FDXR: variants seen among roughly 807,000 people sequenced by gnomAD.
FDXR encodes ferredoxin reductase, also known as NADPH:adrenodoxin oxidoreductase, mitochondrial.
In FDXR, 38 loss-of-function variants were observed where a neutral mutation model predicts 58.3. That is an observed-to-expected ratio of 0.65 (90% CI 0.50 to 0.85). The LOEUF (loss-of-function observed/expected upper bound fraction) is 0.85, where lower values mean the gene tolerates loss of function less well. Among genes scored for constraint, FDXR ranks in the 40% least tolerant of loss-of-function variants. FDXR has a pLI of 0.00. For missense variants in FDXR, 624 were observed against 671.0 expected (o/e 0.93, Z 0.77); for synonymous variants, 275 against 273.8 (o/e 1.00, Z -0.04).
intron 2 of FDXR, among the ~76,000 whole-genome samples, chr17:74,870,797 CTTTTT>C (rs200476203): frequency 5.7e-5 from 5 of 88,462 alleles, no homozygotes; most frequent in Admixed American, 1.5e-4. Context: ...CACTGTCTCT[CTTTTT>C]TTTTTTTTTT....
At chr17:74,869,998 G>A (rs1166345151) in intron 2 of FDXR, 3 of 451,932 alleles carry the variant, frequency 6.6e-6, no homozygotes, top group Admixed American at 4.7e-5. Flanking sequence ...TCATGAGGAT[G>A]CTACGAGATG....
At position 74,871,912 on chromosome 17, in the gene FDXR, C is replaced by T. The variant is rs993412407; in HGVS notation, c.177+124G>A. 2.3e-5 allele frequency: 15 copies of T among 662,360 alleles called. No homozygotes were observed. In the African/African-American group the frequency reaches 2.6e-4, roughly 11 times the overall value. The allele number at this position is 662,360 out of a possible 1,614,324, so 41.0% of individuals were successfully genotyped here. A position where few individuals can be genotyped will look rare whatever the true frequency, so the allele number is the denominator to read the frequency against. On this transcript the variant is annotated intron_variant, in intron 2 of 11. Coordinates refer to ENST00000293195, the MANE Select transcript of FDXR (RefSeq NM_024417.5). The stretch of plus-strand genomic sequence containing the variant: ...AGGAAGCAAGTGGGAAGTGTCCAGG[C>T]CAGATGGCTGGGAGCCCCTTCCCCA...
chr17:74,865,368 G>A (rs1041338421), intron 6 of FDXR, among the ~76,000 whole-genome samples: 1 of 152,146 alleles, frequency 6.6e-6, no homozygotes, highest in Admixed American at 6.5e-5. Context: ...CGATGGGGGA[G>A]TGGACCAATT....
Position 74,872,911 on chromosome 17 carries a change from A to G in FDXR, c.34T>C (p.Ser12Pro). Residue 12 changes from serine to proline, a missense_variant, in exon 1 of 12, where the codon TCG (serine) becomes CCG (proline). Physicochemically the swap from Ser to Pro is moderately conservative, Grantham distance 74 (BLOSUM62 -1). Coordinates refer to ENST00000293195, the MANE Select transcript of FDXR (RefSeq NM_024417.5). ...ASRCWRWWGW[S>P]AWPRTRLPPA... ...GGCAGCCGGGTCCGAGGCCACGCCG[A>G]CCAGCCCCACCAGCGCCAGCAGCGC... 1 of 1,554,590 alleles carries G rather than the reference A, an allele frequency of 6.4e-7. No homozygotes were observed. Among genetic ancestry groups the G allele is most frequent in the Non-Finnish European group, 8.7e-7 (1 of 1,149,808 alleles).
chr17:74,864,497 A>T lies in FDXR; in HGVS notation c.785T>A (p.Leu262His). ...PILDPVDFLGLQDKIKEVPRP... is the reference protein window; with the variant it reads ...PILDPVDFLGHQDKIKEVPRP... Reference sequence around the variant, plus strand: ...CCCCTCACCCTTGATCTTGTCCTGGAGACCCAAGAAATCCACAGGATCCAA... The same window carrying T: ...CCCCTCACCCTTGATCTTGTCCTGGTGACCCAAGAAATCCACAGGATCCAA... The change falls in exon 8 of 12, where the codon CTC becomes CAC. Residue 262 changes from leucine to histidine, a missense_variant. Physicochemically the swap from Leu to His is moderately conservative, Grantham distance 99. Coordinates refer to ENST00000293195, the MANE Select transcript of FDXR (RefSeq NM_024417.5). The T allele has an allele frequency of 6.2e-7, 1 of 1,614,006 alleles. No individual in the cohort carries two copies. The highest frequency in any genetic ancestry group is 8.5e-7 in the Non-Finnish European group (1 of 1,179,930).
intron 2 of FDXR, 115 bp from the exon 3 acceptor site, chr17:74,866,991 CA>C: frequency 2.0e-6 from 3 of 1,515,398 alleles, no homozygotes; most frequent in Non-Finnish European, 2.7e-6. Context: ...GCTGAGAACA[CA>C]AGGCTTCCAC....
chr17:74,864,652 A>C, intron 7 of FDXR, 88 bp from the exon 8 acceptor site: 2 of 1,426,892 alleles, frequency 1.4e-6, no homozygotes, highest in Non-Finnish European at 9.7e-7. Context: ...CCCAGGCAGG[A>C]GAGACCACCA....
intron 8 of FDXR, 23 bp downstream of exon 8, chr17:74,864,457 G>GGGGCC: frequency 1.2e-6 from 2 of 1,612,518 alleles, no homozygotes; most frequent in South Asian, 1.1e-5. Flanking sequence ...TAGTAGTTGG[G>GGGGCC]GGGCCAGGCC....
rs780022072 is a variant in FDXR, at chr17:74,862,655, G to A, written c.*162C>T. 3 of 1,020,566 alleles carry A rather than the reference G, an allele frequency of 2.9e-6. No homozygotes were observed. Among genetic ancestry groups the A allele is most frequent in the South Asian group, 1.8e-5 (1 of 56,602 alleles). The allele number at this position is 1,020,566 out of a possible 1,614,324, so 63.2% of individuals were successfully genotyped here. A position where few individuals can be genotyped will look rare whatever the true frequency, so the allele number is the denominator to read the frequency against. ...AAGCTAAAACCTTGCGCGCAAGGGC[G>A]ACCTTCCCCAGGAGGGAGGAGAGAC... On this transcript the variant is annotated 3_prime_UTR_variant, in exon 12 of 12. Coordinates refer to ENST00000293195, the MANE Select transcript of FDXR (RefSeq NM_024417.5).
At chr17:74,864,454 T>C in intron 8 of FDXR, 26 bp downstream of exon 8, 6 of 1,610,764 alleles carry the variant, frequency 3.7e-6, no homozygotes, top group Non-Finnish European at 4.2e-6. Context: ...CCCTAGTAGT[T>C]GGGGGGCCAG....
chr17:74,864,697 G>A (rs1490251763), intron 7 of FDXR, 127 bp downstream of exon 7: 4 of 1,459,394 alleles, frequency 2.7e-6, no homozygotes, highest in Non-Finnish European at 3.8e-6. Context: ...GGCCCCCGGG[G>A]CCCTGACTGC....
In FDXR at chr17:74,870,068, C is replaced by G. The variant is rs144553198; in HGVS notation, c.177+1968G>C. On this transcript the variant is annotated intron_variant, in intron 2 of 11. Coordinates refer to ENST00000293195, the MANE Select transcript of FDXR (RefSeq NM_024417.5). ...TGTCCCAAACGTGCTGCATGTGGTC[C>G]TGTCTTAGGAGCACAGCCAGTAGCT... The G allele has an allele frequency of 9.6e-5, 40 of 415,856 alleles. No individual in the cohort carries two copies. The Middle Eastern group carries it at 2.3e-3, about 24-fold the overall frequency. 25.8% of individuals were successfully genotyped at this position (415,856 alleles called of 1,614,324 possible).
intron 2 of FDXR, 126 bp from the exon 3 acceptor site, chr17:74,867,002 C>A: frequency 6.7e-7 from 1 of 1,495,482 alleles, no homozygotes; most frequent in Non-Finnish European, 8.9e-7. Context: ...AAGGCTTCCA[C>A]CCTCTGCAAG....
At position 74,862,745 on chromosome 17, in the gene FDXR, C is replaced by T; in HGVS notation, c.*72G>A. The T allele has an allele frequency of 6.5e-7, 1 of 1,529,944 alleles. No homozygotes were observed. Among genetic ancestry groups the T allele is most frequent in the South Asian group, 1.2e-5 (1 of 81,260 alleles). The allele number at this position is 1,529,944 out of a possible 1,614,324, so 94.8% of individuals were successfully genotyped here. A position where few individuals can be genotyped will look rare whatever the true frequency, so the allele number is the denominator to read the frequency against. On this transcript the variant is annotated 3_prime_UTR_variant, in exon 12 of 12. Transcript: ENST00000293195. The stretch of plus-strand genomic sequence containing the variant: ...GGATCAGCAGAGGTGCAAAGTCCCA[C>T]TCAGACGGACCCAGCCCTTCCCCTC...
chr17:74,872,848 A>T lies in FDXR; in HGVS notation c.79+18T>A. 3.2e-6 allele frequency: 5 copies of T among 1,545,536 alleles called. No homozygotes were observed. Among genetic ancestry groups the T allele is most frequent in the Non-Finnish European group, 4.4e-6 (5 of 1,146,648 alleles). On this transcript the variant is annotated intron_variant, in intron 1 of 11. Transcript: ENST00000293195. Reference sequence around the variant, plus strand: ...CTCCCCGCGCTCCCATCCAGCCCCAAAGGCGCCCTGCTCCTACTCGGGGTG... The same window carrying T: ...CTCCCCGCGCTCCCATCCAGCCCCATAGGCGCCCTGCTCCTACTCGGGGTG...
chr17:74,868,932 T>C lies in FDXR; in HGVS notation c.178-2056A>G, dbSNP rs690432. On this transcript the variant is annotated intron_variant, in intron 2 of 11. Coordinates refer to ENST00000293195, the MANE Select transcript of FDXR (RefSeq NM_024417.5). ...TCCCACCCCAGACATCTCAAATCCATCCAGTTTCAAGCCAAGTCCCCTTGC... is the reference window on the plus strand; with the variant it reads ...TCCCACCCCAGACATCTCAAATCCACCCAGTTTCAAGCCAAGTCCCCTTGC... Among the ~76,000 whole-genome samples, 1,064 of 152,094 alleles carry C rather than the reference T, an allele frequency of 7.0e-3. 13 individuals are homozygous for C. The highest frequency in any genetic ancestry group is 0.024 in the African/African-American group (999 of 41,488).
intron 8 of FDXR, 24 bp downstream of exon 8, chr17:74,864,456 G>C: frequency 6.2e-7 from 1 of 1,611,074 alleles, no homozygotes. Flanking sequence ...CTAGTAGTTG[G>C]GGGGCCAGGC....
At chr17:74,866,384 C>T (rs1655361089) in intron 4 of FDXR, 62 bp downstream of exon 4, 1 of 1,597,350 alleles carries the variant, frequency 6.3e-7, no homozygotes, top group African/African-American at 1.3e-5. Context: ...GCCTTCCACC[C>T]CGAGCCACCG....
In FDXR at chr17:74,865,769, C is replaced by A; in HGVS notation, c.559G>T (p.Val187Leu). The A allele has an allele frequency of 6.2e-7, 1 of 1,613,684 alleles. No homozygotes were observed. The highest frequency in any genetic ancestry group is 8.5e-7 in the Non-Finnish European group (1 of 1,179,952). Residue 187 changes from valine to leucine, a missense_variant, in exon 6 of 12, where the codon GTG (valine) becomes TTG (leucine). Coordinates refer to ENST00000293195, the MANE Select transcript of FDXR (RefSeq NM_024417.5). The part of the protein sequence containing the change: ...DTAVILGQGN[V>L]ALDVARILLT... The stretch of plus-strand genomic sequence containing the variant: ...AGGATGCGGGCCACGTCCAGAGCCA[C>A]GTTCCCCTGCCCCAGAATCACGGCT...
Sources: allele counts gnomAD v4.1 joint callset (sites outside exome capture counted in the v4.1 genomes callset), GRCh38; gene constraint gnomAD v4.1.1; transcripts MANE v1.5; gene names NCBI Gene and HGNC (gene_info 2026-07-23, HGNC 2026-07-21).